SWT1: variants seen among roughly 807,000 people sequenced by gnomAD.
The protein encoded by SWT1 is SWT1 RNA endoribonuclease homolog.
SWT1 carries 33 observed loss-of-function variants against 107.3 expected under a neutral mutation model. That is an observed-to-expected ratio of 0.31 (90% CI 0.23 to 0.41). The LOEUF is 0.41. SWT1 is among the 10% of genes least tolerant of loss of function. The pLI is 1.00. For synonymous variants in SWT1, 345 were observed against 348.3 expected (o/e 0.99, Z 0.11); for missense variants, 898 against 1,028.9 (o/e 0.87, Z 1.74).
At chr1:185,277,159 A>G (rs1403313540) in intron 18 of SWT1, among the ~76,000 whole-genome samples, 1 of 152,228 alleles carries the variant, frequency 6.6e-6, no homozygotes, top group African/African-American at 2.4e-5. Context: ...TTTGCATTCA[A>G]TCTGTTTTGA....
rs560802719 is a variant in SWT1 at position 185,289,912 on chromosome 1, A to G, written c.2574-762A>G. On this transcript the variant is annotated intron_variant, in intron 18 of 18. Coordinates refer to ENST00000367500, the MANE Select transcript of SWT1 (RefSeq NM_017673.7). ...ATAGGAGAAATAAGTTCAGAGATCT[A>G]TTGTACAACATGGTGACTTTAGTTA... Among the ~76,000 whole-genome samples, 18 of 152,304 alleles carry G rather than the reference A, an allele frequency of 1.2e-4. No individual in the cohort carries two copies. In the South Asian group the frequency reaches 3.3e-3, roughly 28 times the overall value.
In SWT1 at chr1:185,174,570, G is replaced by A. The variant is rs761108527; in HGVS notation, c.423G>A (p.Gly141=). The A allele has an allele frequency of 1.2e-6, 2 of 1,608,262 alleles. No homozygotes were observed. The highest frequency in any genetic ancestry group is 1.7e-6 in the Non-Finnish European group (2 of 1,178,516). ...KPKDIKLTNA[G]SKLDHGIKSL... ...AAGATATCAAATTGACAAATGCTGG[G>A]AGCAAGCTTGACCATGGAATTAAAA... The change falls in exon 5 of 19, where the codon GGG becomes GGA. Residue 141 remains glycine, a synonymous_variant. Transcript: ENST00000367500.
At chr1:185,183,789 A>G (rs1656225384) in intron 7 of SWT1, among the ~76,000 whole-genome samples, 1 of 152,212 alleles carries the variant, frequency 6.6e-6, no homozygotes, top group Non-Finnish European at 1.5e-5. Flanking sequence ...AACATTGATT[A>G]CTATTCTTTC....
intron 9 of SWT1, among the ~76,000 whole-genome samples, chr1:185,187,863 A>C (rs985107629): frequency 6.6e-6 from 1 of 151,560 alleles, no homozygotes; most frequent in Non-Finnish European, 1.5e-5. Context: ...TAATTTTTTA[A>C]GATATTTTTA....
chr1:185,214,721 G>A, intron 14 of SWT1, 66 bp downstream of exon 14: 4 of 1,302,064 alleles, frequency 3.1e-6, no homozygotes, highest in Non-Finnish European at 4.3e-6. Context: ...GTGTTTAGCA[G>A]ACAACAGTAG....
chr1:185,236,295 A>G (rs1309276672), intron 16 of SWT1, among the ~76,000 whole-genome samples: 1 of 152,234 alleles, frequency 6.6e-6, no homozygotes, highest in East Asian at 1.9e-4. Flanking sequence ...AACTGGAGGC[A>G]TCACGCTACC....
intron 16 of SWT1, among the ~76,000 whole-genome samples, chr1:185,267,124 C>G (rs927635007): frequency 2.0e-5 from 3 of 152,126 alleles, no homozygotes; most frequent in Non-Finnish European, 2.9e-5. Context: ...TAATCTTAGG[C>G]AAGTATCTTA....
intron 12 of SWT1, 22 bp downstream of exon 12, chr1:185,204,885 G>C: frequency 1.4e-6 from 2 of 1,465,196 alleles, no homozygotes; most frequent in Non-Finnish European, 1.8e-6. Flanking sequence ...AACTCTATTA[G>C]TTGAAAATTT....
At chr1:185,284,563 C>T (rs1041333554) in intron 18 of SWT1, among the ~76,000 whole-genome samples, 3 of 152,182 alleles carry the variant, frequency 2.0e-5, no homozygotes, top group Admixed American at 2.0e-4. Flanking sequence ...GGAGTGTACC[C>T]TCAGCCCTTG....
Position 185,200,287 on chromosome 1 carries a change from T to C in SWT1, c.1524-2367T>C, listed in dbSNP as rs534944744. Among the ~76,000 whole-genome samples the C allele has an allele frequency of 2.0e-5, 3 of 152,286 alleles. No homozygotes were observed. In the South Asian group the frequency reaches 6.2e-4, roughly 32 times the overall value. ...TCATTCTGTGTCTAGTTTTTTTCTC[T>C]TGTTGGTGAGGAGTTGTGATCCTTT... On this transcript the variant is annotated intron_variant, in intron 10 of 18. Coordinates refer to ENST00000367500, the MANE Select transcript of SWT1 (RefSeq NM_017673.7).
chr1:185,165,024 A>C (rs1558004192), intron 2 of SWT1, among the ~76,000 whole-genome samples: 1 of 152,152 alleles, frequency 6.6e-6, no homozygotes. Flanking sequence ...TCTTCCTTTC[A>C]CTTGAACACT....
At chr1:185,223,571 T>G (rs541392374) in intron 15 of SWT1, among the ~76,000 whole-genome samples, 1 of 152,300 alleles carries the variant, frequency 6.6e-6, no homozygotes, top group South Asian at 2.1e-4. Flanking sequence ...TGATGATTAG[T>G]GATGTCAAGC....
In SWT1 at chr1:185,234,421, C is replaced by G. The variant is rs539795189; in HGVS notation, c.2441+2713C>G. On this transcript the variant is annotated intron_variant, in intron 16 of 18. Coordinates refer to ENST00000367500, the MANE Select transcript of SWT1 (RefSeq NM_017673.7). ...TGTTTAAAGTGTGTTTTATCAGAGA[C>G]TAGGATTGCAACCCCTGCTTTTTTT... Among the ~76,000 whole-genome samples the G allele has an allele frequency of 7.2e-5, 11 of 152,254 alleles. No individual in the cohort carries two copies. The South Asian group carries it at 2.1e-3, about 29-fold the overall frequency.
intron 18 of SWT1, among the ~76,000 whole-genome samples, chr1:185,282,450 G>T (rs1008871108): frequency 6.6e-6 from 1 of 151,688 alleles, no homozygotes; most frequent in South Asian, 2.1e-4. Flanking sequence ...TTCTTGGGGG[G>T]CGGCACACAC....
At chr1:185,178,061 A>G (rs1655714218) in intron 5 of SWT1, among the ~76,000 whole-genome samples, 1 of 152,224 alleles carries the variant, frequency 6.6e-6, no homozygotes. Context: ...AGTAAATACC[A>G]CAGTCCTACA....
chr1:185,208,626 A>G (rs1316406731), intron 13 of SWT1, among the ~76,000 whole-genome samples: 1 of 152,192 alleles, frequency 6.6e-6, no homozygotes, highest in Non-Finnish European at 1.5e-5. Flanking sequence ...AATATGTACA[A>G]TTATTATGTG....
chr1:185,255,199 A>C (rs1188799442), intron 16 of SWT1, among the ~76,000 whole-genome samples: 1 of 152,038 alleles, frequency 6.6e-6, no homozygotes, highest in Admixed American at 6.5e-5. Context: ...TTTACTTCCA[A>C]GTATGTGGTC....
At chr1:185,284,417 T>C (rs559397564) in intron 18 of SWT1, among the ~76,000 whole-genome samples, 52 of 152,336 alleles carry the variant, frequency 3.4e-4, no homozygotes, top group African/African-American at 1.3e-3. Flanking sequence ...ACAAACTCAA[T>C]GGCGGAAGCT....
chr1:185,200,284 C>T (rs1261611182), intron 10 of SWT1, among the ~76,000 whole-genome samples: 1 of 151,968 alleles, frequency 6.6e-6, no homozygotes, highest in Non-Finnish European at 1.5e-5. Context: ...TAGTTTTTTT[C>T]TCTTGTTGGT....
Sources: gnomAD v4.1 joint callset for allele counts (sites outside exome capture counted in the v4.1 genomes callset) on GRCh38, gnomAD v4.1.1 for gene constraint, MANE v1.5 for transcripts, NCBI Gene and HGNC (gene_info 2026-07-23, HGNC 2026-07-21) for gene names.